PPP3CA: variants seen among roughly 807,000 people sequenced by gnomAD.
The protein encoded by PPP3CA is CAM-PRP catalytic subunit.
A neutral mutation model predicts 66.5 loss-of-function variants in PPP3CA; 14 were observed. The observed-to-expected ratio is 0.21, with a 90% CI of 0.14 to 0.33. The LOEUF (loss-of-function observed/expected upper bound fraction) is 0.33, where lower values mean the gene tolerates loss of function less well. PPP3CA is among the 10% of genes least tolerant of loss of function. The probability of loss-of-function intolerance (pLI) is 1.00; values close to 1 mark genes in which losing one functional copy is unlikely to be tolerated. For synonymous variants in PPP3CA, 232 were observed against 226.2 expected (o/e 1.03, Z -0.23); for missense variants, 317 against 639.5 (o/e 0.50, Z 5.44).
chr4:101,145,703 T>C (rs1031793686), intron 2 of PPP3CA, among the ~76,000 whole-genome samples: 1 of 152,102 alleles, frequency 6.6e-6, no homozygotes, highest in Admixed American at 6.6e-5. Flanking sequence ...GAATAATTAA[T>C]TATTTCTTAC....
chr4:101,110,858 G>T (rs950880064), intron 2 of PPP3CA, among the ~76,000 whole-genome samples: 1 of 151,988 alleles, frequency 6.6e-6, no homozygotes, highest in African/African-American at 2.4e-5. Context: ...CCTGCTCTGG[G>T]GACTTCCACA....
At chr4:101,322,304 T>A (rs76455904) in intron 1 of PPP3CA, among the ~76,000 whole-genome samples, 8,189 of 152,096 alleles carry the variant, frequency 0.054, 277 homozygotes, top group Non-Finnish European at 0.082. Context: ...CTTTGGGGTA[T>A]GATTAGGTCA....
intron 1 of PPP3CA, chr4:101,330,187 A>T (rs1055930908): frequency 1.0e-5 from 4 of 386,698 alleles, no homozygotes; most frequent in African/African-American, 8.8e-5. Context: ...ACTTTAAGGA[A>T]TTTAAGCCTT....
chr4:101,319,260 C>T (rs868579401), intron 1 of PPP3CA, among the ~76,000 whole-genome samples: 3 of 150,280 alleles, frequency 2.0e-5, no homozygotes, highest in African/African-American at 7.3e-5. Flanking sequence ...GAAAGTTAAA[C>T]GGCATTATTA....
At chr4:101,037,580 A>G (rs1419519901) in intron 11 of PPP3CA, among the ~76,000 whole-genome samples, 1 of 151,460 alleles carries the variant, frequency 6.6e-6, no homozygotes, top group African/African-American at 2.4e-5. Context: ...AGCTTCCTAA[A>G]TGGTTTTTTT....
chr4:101,086,398 G>A (rs1729675886), intron 6 of PPP3CA, among the ~76,000 whole-genome samples: 1 of 152,052 alleles, frequency 6.6e-6, no homozygotes, highest in South Asian at 2.1e-4. Context: ...CTTGGCAGTA[G>A]AGCAAACAGT....
At position 101,298,960 on chromosome 4, in the gene PPP3CA, G is replaced by A. The variant is rs569189349; in HGVS notation, c.58+47779C>T. ...TAATTGGGCAATTTTGTCATTGTGC[G>A]AACATTAGAGTGTACTTGCACAAAC... On this transcript the variant is annotated intron_variant, in intron 1 of 13. Transcript: ENST00000394854. Among the ~76,000 whole-genome samples the A allele has an allele frequency of 4.0e-5, 6 of 151,676 alleles. No homozygotes were observed. In the East Asian group the frequency reaches 9.7e-4, roughly 24 times the overall value.
At chr4:101,120,980 G>A (rs1369839929) in intron 2 of PPP3CA, among the ~76,000 whole-genome samples, 1 of 151,990 alleles carries the variant, frequency 6.6e-6, no homozygotes. Context: ...CAAAAATCAT[G>A]TTTGCCTAAC....
At chr4:101,126,503 G>A (rs932324476) in intron 2 of PPP3CA, among the ~76,000 whole-genome samples, 44 of 152,074 alleles carry the variant, frequency 2.9e-4, no homozygotes, top group African/African-American at 9.7e-4. Context: ...TAATATTTCA[G>A]AGATTATTGC....
intron 2 of PPP3CA, among the ~76,000 whole-genome samples, chr4:101,169,153 C>A (rs894873853): frequency 6.6e-6 from 1 of 152,198 alleles, no homozygotes; most frequent in African/African-American, 2.4e-5. Flanking sequence ...CAAAGGTCAA[C>A]AACCAGCCTT....
chr4:101,249,488 GT>G (rs760386994), intron 1 of PPP3CA, among the ~76,000 whole-genome samples: 97 of 151,846 alleles, frequency 6.4e-4, no homozygotes, highest in Non-Finnish European at 1.0e-3. Context: ...GTGTGTGTGT[GT>G]TTTTTAGTAC....
At chr4:101,192,217 T>C (rs746403148) in intron 2 of PPP3CA, among the ~76,000 whole-genome samples, 11 of 152,178 alleles carry the variant, frequency 7.2e-5, no homozygotes, top group Non-Finnish European at 1.5e-4. Flanking sequence ...TAAAATCAAC[T>C]TGAACACTCA....
chr4:101,293,271 A>G (rs1201893716), intron 1 of PPP3CA, among the ~76,000 whole-genome samples: 1 of 152,112 alleles, frequency 6.6e-6, no homozygotes, highest in African/African-American at 2.4e-5. Context: ...ACAGGTAATA[A>G]TATTATCCCC....
In PPP3CA at chr4:101,293,907, G is replaced by T. The variant is rs532179303; in HGVS notation, c.58+52832C>A. ...CTCCATGAGGGCAGAGACAATATCCGTATCATCAGACACTAGGAACGGGCC... is the reference window on the plus strand; with the variant it reads ...CTCCATGAGGGCAGAGACAATATCCTTATCATCAGACACTAGGAACGGGCC... On this transcript the variant is annotated intron_variant, in intron 1 of 13. Transcript: ENST00000394854. Among the ~76,000 whole-genome samples the T allele has an allele frequency of 2.0e-5, 3 of 152,016 alleles. No homozygotes were observed. The South Asian group carries it at 6.2e-4, about 32-fold the overall frequency.
At chr4:101,101,140 G>C (rs1193035564) in intron 3 of PPP3CA, among the ~76,000 whole-genome samples, 1 of 152,084 alleles carries the variant, frequency 6.6e-6, no homozygotes, top group Non-Finnish European at 1.5e-5. Context: ...ATAGTTATTA[G>C]CTAAAGTTCA....
chr4:101,106,471 AAAAGAAAAGAAAAGAAAAGAAAAGAAAAG>A (rs1490951870), intron 3 of PPP3CA, among the ~76,000 whole-genome samples: 4,875 of 64,450 alleles, frequency 0.076, 628 homozygotes, highest in African/African-American at 0.13. Flanking sequence ...AAAAGAAAAG[AAAAGAAAAGAAAAGAAAAGAAAAGAAAAG>A]AAAGAAAGAA....
At chr4:101,181,298 T>C (rs1393969694) in intron 2 of PPP3CA, among the ~76,000 whole-genome samples, 1 of 152,036 alleles carries the variant, frequency 6.6e-6, no homozygotes, top group Admixed American at 6.6e-5. Context: ...TATAAATATG[T>C]TGATGGCTAC....
intron 1 of PPP3CA, among the ~76,000 whole-genome samples, chr4:101,285,652 TG>T: frequency 6.8e-6 from 1 of 146,322 alleles, no homozygotes; most frequent in South Asian, 2.2e-4. Context: ...TGTGTGTGTG[TG>T]TTTTCTAATA....
intron 2 of PPP3CA, among the ~76,000 whole-genome samples, chr4:101,155,826 G>T (rs939269747): frequency 6.6e-6 from 1 of 152,088 alleles, no homozygotes; most frequent in Non-Finnish European, 1.5e-5. Context: ...CTTTTAACTC[G>T]AAATGTGTTG....
Sources: gnomAD v4.1 joint callset for allele counts (sites outside exome capture counted in the v4.1 genomes callset) on GRCh38, gnomAD v4.1.1 for gene constraint, MANE v1.5 for transcripts, NCBI Gene and HGNC (gene_info 2026-07-23, HGNC 2026-07-21) for gene names.